Variants in RBBP5 observed in about 807,000 individuals in gnomAD.
RBBP5 encodes RB binding protein 5, histone lysine methyltransferase complex subunit, also known as retinoblastoma-binding protein 5.
RBBP5 carries 5 observed loss-of-function variants against 72.2 expected under a neutral mutation model. The ratio of observed to expected loss-of-function variants is 0.07; its 90% CI spans 0.04 to 0.15. The LOEUF (loss-of-function observed/expected upper bound fraction) is 0.15. RBBP5 is among the 10% of genes least tolerant of loss of function. The pLI is 1.00. For missense variants in RBBP5, 322 were observed against 652.2 expected (o/e 0.49, Z 5.51); for synonymous variants, 209 against 237.2 (o/e 0.88, Z 1.09).
chr1:205,117,592 A>G (rs1656576363), intron 1 of RBBP5, among the ~76,000 whole-genome samples: 1 of 151,648 alleles, frequency 6.6e-6, no homozygotes, highest in South Asian at 2.1e-4. Context: ...CCTGGGAGGC[A>G]GAGGTTGCAG....
intron 3 of RBBP5, among the ~76,000 whole-genome samples, chr1:205,107,087 T>TAC (rs140160270): frequency 0.31 from 46,821 of 149,596 alleles, 8,615 homozygotes; most frequent in Non-Finnish European, 0.43. Context: ...TATATATATA[T>TAC]ACACACACAC....
intron 3 of RBBP5, 66 bp downstream of exon 3, chr1:205,114,723 G>A (rs1656455419): frequency 3.0e-6 from 4 of 1,325,916 alleles, no homozygotes; most frequent in Non-Finnish European, 4.1e-6. Flanking sequence ...TCTACAATGA[G>A]ATTTGCAAAT....
intron 3 of RBBP5, among the ~76,000 whole-genome samples, chr1:205,109,960 G>A (rs1327332121): frequency 1.3e-5 from 2 of 152,046 alleles, no homozygotes; most frequent in African/African-American, 4.8e-5. Flanking sequence ...CTGCTTGGGA[G>A]CTCCTCTCTA....
At position 205,121,946 on chromosome 1, in the gene RBBP5, C is replaced by A. The variant is rs11240362; in HGVS notation, c.-73G>T. On this transcript the variant is annotated 5_prime_UTR_variant, in exon 1 of 14. Transcript: ENST00000264515. ...CTCCCCGGCCGGCTTCAGCAACTTG[C>A]GTCTAAGTGGTGGACGCCGCGAAGA... The A allele has an allele frequency of 2.5e-3, 4,017 of 1,599,114 alleles. 92 individuals carry two copies. The African/African-American group carries it at 0.048, about 19-fold the overall frequency.
Position 205,087,487 on chromosome 1 carries a change from C to T in RBBP5, c.*1300G>A, listed in dbSNP as rs1417288097. 2 of 151,046 alleles carry T rather than the reference C, an allele frequency of 1.3e-5. No homozygotes were observed. The highest frequency in any genetic ancestry group is 2.4e-5 in the African/African-American group (1 of 41,010). 9.4% of individuals were successfully genotyped at this position (151,046 alleles called of 1,614,324 possible). A position where few individuals can be genotyped will look rare whatever the true frequency, so the allele number is the denominator to read the frequency against. Reference sequence around the variant, plus strand: ...CTGGGATTACAGGCGTGACCCACCACGCCCGGCTCACCAACTGATATATTT... The same window carrying T: ...CTGGGATTACAGGCGTGACCCACCATGCCCGGCTCACCAACTGATATATTT... On this transcript the variant is annotated 3_prime_UTR_variant, in exon 14 of 14. Coordinates refer to ENST00000264515, the MANE Select transcript of RBBP5 (RefSeq NM_005057.4).
At chr1:205,121,059 TCTGA>T (rs1656718528) in intron 1 of RBBP5, among the ~76,000 whole-genome samples, 1 of 152,196 alleles carries the variant, frequency 6.6e-6, no homozygotes, top group Admixed American at 6.5e-5. Flanking sequence ...TAACATATCT[TCTGA>T]CTTTTTTAAA....
At chr1:205,117,770 T>C (rs1362847232) in intron 1 of RBBP5, among the ~76,000 whole-genome samples, 2 of 152,076 alleles carry the variant, frequency 1.3e-5, no homozygotes, top group East Asian at 1.9e-4. Flanking sequence ...AAATTTGGGA[T>C]GGGGAGGCTT....
chr1:205,104,552 C>T (rs568464427), intron 4 of RBBP5, among the ~76,000 whole-genome samples: 4 of 137,390 alleles, frequency 2.9e-5, no homozygotes, highest in African/African-American at 1.1e-4. Context: ...TTAAAAAAAA[C>T]GCATTCAGGG....
At chr1:205,094,777 A>C in intron 13 of RBBP5, 96 bp downstream of exon 13, 2 of 1,290,308 alleles carry the variant, frequency 1.6e-6, no homozygotes, top group Non-Finnish European at 2.1e-6. Flanking sequence ...AAACGAGGGA[A>C]GAGAGGGGGA....
At chr1:205,117,660 C>CA (rs1020659724) in intron 1 of RBBP5, among the ~76,000 whole-genome samples, 1 of 150,244 alleles carries the variant, frequency 6.7e-6, no homozygotes, top group African/African-American at 2.4e-5. Flanking sequence ...AACTCTGTCT[C>CA]AAAAAAAGAA....
intron 13 of RBBP5, chr1:205,091,189 T>A (rs947473380): frequency 6.6e-6 from 1 of 152,318 alleles, no homozygotes; most frequent in South Asian, 2.1e-4. Context: ...ACCACACCTT[T>A]GTCCCACTTT....
intron 11 of RBBP5, 27 bp from the exon 12 acceptor site, chr1:205,096,938 ATTG>A: frequency 6.5e-7 from 1 of 1,539,428 alleles, no homozygotes; most frequent in African/African-American, 1.4e-5. Flanking sequence ...CAGACAAGGG[ATTG>A]GAAAAAAGAG....
At chr1:205,109,342 C>T (rs2102311318) in intron 3 of RBBP5, among the ~76,000 whole-genome samples, 2 of 151,836 alleles carry the variant, frequency 1.3e-5, no homozygotes, top group South Asian at 4.2e-4. Flanking sequence ...ATTAACAAAC[C>T]AAGAAAAAGC....
At position 205,086,174 on chromosome 1, in the gene RBBP5, G is replaced by A. The variant is rs1030098843; in HGVS notation, c.*2613C>T. On this transcript the variant is annotated 3_prime_UTR_variant, in exon 14 of 14. Coordinates refer to ENST00000264515, the MANE Select transcript of RBBP5 (RefSeq NM_005057.4). The stretch of plus-strand genomic sequence containing the variant: ...ATAAACATCCGATTTTATTTACAAA[G>A]CATTAAAGCTTCAGCAAGAAGTACC... 1 of 150,934 alleles carries A rather than the reference G, an allele frequency of 6.6e-6. No individual in the cohort carries two copies. Among genetic ancestry groups the A allele is most frequent in the African/African-American group, 2.4e-5 (1 of 41,022 alleles). 9.3% of individuals were successfully genotyped at this position (150,934 alleles called of 1,614,324 possible).
chr1:205,117,409 C>T (rs1656567902), intron 1 of RBBP5, among the ~76,000 whole-genome samples: 1 of 151,844 alleles, frequency 6.6e-6, no homozygotes, highest in Non-Finnish European at 1.5e-5. Context: ...GCCTGTAATC[C>T]CAGCACTTTG....
At position 205,088,428 on chromosome 1, in the gene RBBP5, A is replaced by T; in HGVS notation, c.*359T>A. 4.8e-6 allele frequency: 1 copy of T among 208,914 alleles called. No homozygotes were observed. Among genetic ancestry groups the T allele is most frequent in the Non-Finnish European group, 9.5e-6 (1 of 104,774 alleles). 12.9% of individuals were successfully genotyped at this position (208,914 alleles called of 1,614,324 possible). ...GACCGAAGGCAAATGGGAGATAGGA[A>T]ATGACATGTCAAAATGACGCTGGGT... is the stretch of plus-strand genomic sequence containing the variant. On this transcript the variant is annotated 3_prime_UTR_variant, in exon 14 of 14. Coordinates refer to ENST00000264515, the MANE Select transcript of RBBP5 (RefSeq NM_005057.4).
At chr1:205,103,807 T>A in intron 5 of RBBP5, 50 bp downstream of exon 5, 1 of 1,573,088 alleles carries the variant, frequency 6.4e-7, no homozygotes, top group Non-Finnish European at 8.7e-7. Context: ...CAAGTAAACA[T>A]TAAATGAGCC....
At chr1:205,114,406 T>C (rs1165262226) in intron 3 of RBBP5, among the ~76,000 whole-genome samples, 1 of 152,264 alleles carries the variant, frequency 6.6e-6, no homozygotes, top group Admixed American at 6.5e-5. Flanking sequence ...TAGTCATACT[T>C]GTGACCACTA....
chr1:205,121,488 C>T (rs1558585398), intron 1 of RBBP5, among the ~76,000 whole-genome samples: 1 of 152,184 alleles, frequency 6.6e-6, no homozygotes, highest in Non-Finnish European at 1.5e-5. Flanking sequence ...TGTTCAGGCA[C>T]CCAATTCCCT....
Sources: gnomAD v4.1 joint callset for allele counts (sites outside exome capture counted in the v4.1 genomes callset) on GRCh38, gnomAD v4.1.1 for gene constraint, MANE v1.5 for transcripts, NCBI Gene and HGNC (gene_info 2026-07-23, HGNC 2026-07-21) for gene names.